The following ZNF525 variants were observed in gnomAD, a reference collection of about 807,000 sequenced individuals.
ZNF525 encodes the protein zinc finger protein 525.
Under a neutral mutation model 37.6 loss-of-function variants are expected in ZNF525, and 33 were observed. The observed-to-expected ratio is 0.88, with a 90% CI of 0.67 to 1.17. ZNF525 has a LOEUF of 1.17. ZNF525 is among the 50% of genes most tolerant of loss of function. ZNF525 has a pLI of 0.00. For missense variants in ZNF525, 449 were observed against 543.1 expected (o/e 0.83, Z 1.72); for synonymous variants, 170 against 182.3 (o/e 0.93, Z 0.54).
chr19:53,384,144 G>A lies in ZNF525; in HGVS notation c.*2125G>A, dbSNP rs2085588565. The A allele has an allele frequency of 4.9e-6, 2 of 407,944 alleles. No individual in the cohort carries two copies. Among genetic ancestry groups the A allele is most frequent in the Non-Finnish European group, 9.8e-6 (2 of 204,204 alleles). The allele number at this position is 407,944 out of a possible 1,614,324, so 25.3% of individuals were successfully genotyped here. A position where few individuals can be genotyped will look rare whatever the true frequency, so the allele number is the denominator to read the frequency against. ...TTCAGCATTGACTTGAGTTTGAGTT[G>A]ACTTAACATTGAGTTCAAGCCTTAA... On this transcript the variant is annotated 3_prime_UTR_variant, in exon 4 of 4. Coordinates refer to ENST00000474037, the MANE Select transcript of ZNF525 (RefSeq NM_001348156.2).
rs940296724 is a variant in ZNF525, at chr19:53,382,672, C to T, written c.*653C>T. ...ACAAATGTAATGATTGTCACCACGT[C>T]TTCAGTAATGCTACAACTATTGCAA... On this transcript the variant is annotated 3_prime_UTR_variant, in exon 4 of 4. Coordinates refer to ENST00000474037, the MANE Select transcript of ZNF525 (RefSeq NM_001348156.2). 4.1e-6 allele frequency: 3 copies of T among 729,704 alleles called. No individual in the cohort carries two copies. The African/African-American group carries it at 5.2e-5, about 13-fold the overall frequency. 45.2% of individuals were successfully genotyped at this position (729,704 alleles called of 1,614,324 possible). A position where few individuals can be genotyped will look rare whatever the true frequency, so the allele number is the denominator to read the frequency against.
chr19:53,380,612 A>T, intron 3 of ZNF525, 110 bp from the exon 4 acceptor site: 1 of 616,416 alleles, frequency 1.6e-6, no homozygotes, highest in South Asian at 2.6e-5. Context: ...ATCGCCCTTT[A>T]TTTATTAAAG....
chr19:53,367,387 T>C lies in ZNF525; in HGVS notation c.-68+1628T>C, dbSNP rs545795692. On this transcript the variant is annotated intron_variant, in intron 1 of 3. Transcript: ENST00000474037. The stretch of plus-strand genomic sequence containing the variant: ...ATTATCAAGATTTTAATAGAAAGCA[T>C]CACTATTACTGGATTCTTCATGAAA... Among the ~76,000 whole-genome samples the C allele has an allele frequency of 4.6e-5, 7 of 152,134 alleles. No homozygotes were observed. In the South Asian group the frequency reaches 1.0e-3, roughly 23 times the overall value.
intron 3 of ZNF525, 183 bp downstream of exon 3, chr19:53,376,079 G>C: frequency 2.3e-6 from 3 of 1,284,318 alleles, no homozygotes; most frequent in Non-Finnish European, 3.3e-6. Flanking sequence ...TCCCCTCGTA[G>C]TGGTACAGGT....
rs1416759460 is a variant in ZNF525, at chr19:53,382,478, A to G, written c.*459A>G. The G allele has an allele frequency of 2.2e-5, 16 of 726,370 alleles. No homozygotes were observed. In the Middle Eastern group the frequency reaches 1.2e-3, roughly 56 times the overall value. The allele number at this position is 726,370 out of a possible 1,614,324, so 45.0% of individuals were successfully genotyped here. A position where few individuals can be genotyped will look rare whatever the true frequency, so the allele number is the denominator to read the frequency against. ...ATCATAGACTTCATACTGGAAATAAATCTTATAAGTGTAATGAGTGTGGCA... is the reference window on the plus strand; with the variant it reads ...ATCATAGACTTCATACTGGAAATAAGTCTTATAAGTGTAATGAGTGTGGCA... On this transcript the variant is annotated 3_prime_UTR_variant, in exon 4 of 4. Transcript: ENST00000474037.
chr19:53,373,138 G>C (rs1469826245), intron 2 of ZNF525, among the ~76,000 whole-genome samples: 1 of 151,906 alleles, frequency 6.6e-6, no homozygotes, highest in African/African-American at 2.4e-5. Flanking sequence ...TGTCACCCAG[G>C]CTGAAGTGCA....
Position 53,382,445 on chromosome 19 carries a change from T to TA in ZNF525, c.*427dup. 1 of 801,968 alleles carries TA rather than the reference T, an allele frequency of 1.2e-6. No individual in the cohort carries two copies. The highest frequency in any genetic ancestry group is 1.3e-5 in the South Asian group (1 of 74,546). The allele number at this position is 801,968 out of a possible 1,614,324, so 49.7% of individuals were successfully genotyped here. ...AGACCTTCAGTCAGAAGTCATGCCT[T>TA]ACACGCCATCATAGACTTCATACTG... On this transcript the variant is annotated 3_prime_UTR_variant, in exon 4 of 4. Coordinates refer to ENST00000474037, the MANE Select transcript of ZNF525 (RefSeq NM_001348156.2).
chr19:53,381,734 T>C lies in ZNF525; in HGVS notation c.1155T>C (p.Cys385=), dbSNP rs1476184264. Residue 385 remains cysteine (C), a synonymous_variant, in exon 4 of 4, where the codon TGT becomes TGC. Coordinates refer to ENST00000474037, the MANE Select transcript of ZNF525 (RefSeq NM_001348156.2). ...ITHTGEKPYK[C]NDCGKTFSHM... is the part of the protein sequence containing the mutation. The stretch of plus-strand genomic sequence containing the variant: ...ATACTGGAGAGAAACCATACAAGTG[T>C]AATGATTGTGGCAAGACCTTCAGTC... The C allele has an allele frequency of 1.1e-5, 12 of 1,087,494 alleles. No individual in the cohort carries two copies. The African/African-American group carries it at 1.5e-4, about 14-fold the overall frequency. 67.4% of individuals were successfully genotyped at this position (1,087,494 alleles called of 1,614,324 possible). A position where few individuals can be genotyped will look rare whatever the true frequency, so the allele number is the denominator to read the frequency against.
In ZNF525 at chr19:53,382,739, G is replaced by A. The variant is rs2085576262; in HGVS notation, c.*720G>A. 2.4e-6 allele frequency: 2 copies of A among 827,928 alleles called. No individual in the cohort carries two copies. The highest frequency in any genetic ancestry group is 4.1e-6 in the Non-Finnish European group (2 of 488,480). The allele number at this position is 827,928 out of a possible 1,614,324, so 51.3% of individuals were successfully genotyped here. On this transcript the variant is annotated 3_prime_UTR_variant, in exon 4 of 4. Coordinates refer to ENST00000474037, the MANE Select transcript of ZNF525 (RefSeq NM_001348156.2). ...TAATAAAGAGAGACCTTACAAGTGT[G>A]ATAAATGTGACAAATTTTTCAGACA...
intron 1 of ZNF525, among the ~76,000 whole-genome samples, chr19:53,367,640 T>C (rs888414190): frequency 1.5e-4 from 23 of 152,138 alleles, no homozygotes; most frequent in Admixed American, 1.3e-3. Flanking sequence ...GACTCGGGAG[T>C]CTACTTTGTC....
At position 53,381,556 on chromosome 19, in the gene ZNF525, C is replaced by G. The variant is rs2085563388; in HGVS notation, c.977C>G (p.Pro326Arg). 2 of 1,196,576 alleles carry G rather than the reference C, an allele frequency of 1.7e-6. No individual in the cohort carries two copies. The highest frequency in any genetic ancestry group is 4.7e-5 in the East Asian group (2 of 42,988). 74.1% of individuals were successfully genotyped at this position (1,196,576 alleles called of 1,614,324 possible). The change falls in exon 4 of 4, where the codon CCA (proline) becomes CGA (arginine). Residue 326 changes from proline to arginine, a missense_variant. Transcript: ENST00000474037. The stretch of plus-strand genomic sequence containing the variant: ...AGGAGAATTCATACTGGAGAGAAAC[C>G]ACATAAGTGTAATGAGTGTGGCAAG... ...RHRRIHTGEKPHKCNECGKTF... is the reference protein window; with the variant it reads ...RHRRIHTGEKRHKCNECGKTF...
Position 53,383,314 on chromosome 19 carries a change from A to ACCTTT in ZNF525, c.*1296_*1297insCTTTC. Reference sequence around the variant, plus strand: ...ATAAAACAATTCATACTGGAGAGAAACAAGCGTAATGAATGTGGCGAGGTT... The same window carrying ACCTTT: ...ATAAAACAATTCATACTGGAGAGAAACCTTTCAAGCGTAATGAATGTGGCGAGGTT... On this transcript the variant is annotated 3_prime_UTR_variant, in exon 4 of 4. Transcript: ENST00000474037. The ACCTTT allele has an allele frequency of 1.6e-6, 2 of 1,270,100 alleles. No homozygotes were observed. The highest frequency in any genetic ancestry group is 1.0e-6 in the Non-Finnish European group (1 of 966,356). The allele number at this position is 1,270,100 out of a possible 1,614,324, so 78.7% of individuals were successfully genotyped here.
intron 1 of ZNF525, among the ~76,000 whole-genome samples, chr19:53,366,539 T>TG (rs2085446437): frequency 7.5e-5 from 3 of 40,152 alleles, no homozygotes; most frequent in South Asian, 7.1e-4. Context: ...ACAGCAAAAG[T>TG]GAAAAAAAAA....
At chr19:53,378,692 A>G (rs973591090) in intron 3 of ZNF525, among the ~76,000 whole-genome samples, 11 of 152,294 alleles carry the variant, frequency 7.2e-5, no homozygotes, top group South Asian at 2.1e-4. Flanking sequence ...TCTTCCTGCC[A>G]TGTCCTGACA....
At chr19:53,366,018 T>A (rs2085440473) in intron 1 of ZNF525, among the ~76,000 whole-genome samples, 1 of 151,914 alleles carries the variant, frequency 6.6e-6, no homozygotes, top group Non-Finnish European at 1.5e-5. Context: ...GCTCTAAACC[T>A]TTTTCTGACT....
rs1282442878 is a variant in ZNF525, at chr19:53,386,300, C to T, written c.*4281C>T. 3 of 714,098 alleles carry T rather than the reference C, an allele frequency of 4.2e-6. No individual in the cohort carries two copies. Among genetic ancestry groups the T allele is most frequent in the African/African-American group, 2.0e-5 (1 of 51,102 alleles). 44.2% of individuals were successfully genotyped at this position (714,098 alleles called of 1,614,324 possible). ...AAGAAACAAAAGCAAAACCATCCCA[C>T]TCCCCTGTGGATTCAGATCAAAACT... On this transcript the variant is annotated 3_prime_UTR_variant, in exon 4 of 4. Coordinates refer to ENST00000474037, the MANE Select transcript of ZNF525 (RefSeq NM_001348156.2).
At chr19:53,368,305 A>G (rs1433910790) in intron 1 of ZNF525, among the ~76,000 whole-genome samples, 2 of 152,158 alleles carry the variant, frequency 1.3e-5, no homozygotes, top group Non-Finnish European at 2.9e-5. Context: ...GGTGATCTGG[A>G]GTCATCTTTG....
At chr19:53,374,152 G>C (rs558153092) in intron 2 of ZNF525, among the ~76,000 whole-genome samples, 1 of 152,110 alleles carries the variant, frequency 6.6e-6, no homozygotes, top group African/African-American at 2.4e-5. Flanking sequence ...CAAACAGCTG[G>C]GATTACAGGT....
chr19:53,368,339 T>A (rs1376480935), intron 1 of ZNF525, among the ~76,000 whole-genome samples: 1 of 152,198 alleles, frequency 6.6e-6, no homozygotes, highest in Non-Finnish European at 1.5e-5. Context: ...TTTTCTTTAG[T>A]GTTTTATTAT....
Sources: allele counts gnomAD v4.1 joint callset (sites outside exome capture counted in the v4.1 genomes callset), GRCh38; gene constraint gnomAD v4.1.1; transcripts MANE v1.5; gene names NCBI Gene and HGNC (gene_info 2026-07-23, HGNC 2026-07-21).